ARNT: variants seen among roughly 807,000 people sequenced by gnomAD.
ARNT encodes the protein aryl hydrocarbon receptor nuclear translocator, also known as class E basic helix-loop-helix protein 2.
Under a neutral mutation model 105.0 loss-of-function variants are expected in ARNT, and 30 were observed. The observed-to-expected ratio is 0.29, with a 90% CI of 0.21 to 0.39. The LOEUF (loss-of-function observed/expected upper bound fraction) is 0.39, where lower values mean the gene tolerates loss of function less well. ARNT is among the 10% of genes least tolerant of loss of function. The pLI, the probability that ARNT is intolerant of heterozygous loss-of-function variation, is 1.00. For missense variants in ARNT, 748 were observed against 978.7 expected, an observed-to-expected ratio of 0.76 and a Z score of 3.15; for synonymous variants, 304 against 344.0, an observed-to-expected ratio of 0.88 and a Z score of 1.29.
chr1:150,855,962 G>A (rs942020548), intron 2 of ARNT, among the ~76,000 whole-genome samples: 3 of 152,018 alleles, frequency 2.0e-5, no homozygotes, highest in Non-Finnish European at 4.4e-5. Flanking sequence ...AAATGTGTGT[G>A]TGCGTGTGTA....
Position 150,857,748 on chromosome 1 carries a change from C to A in ARNT, c.137+601G>T, listed in dbSNP as rs1467073983. Among the ~76,000 whole-genome samples, 3 of 152,130 alleles carry A rather than the reference C, an allele frequency of 2.0e-5. No homozygotes were observed. The East Asian group carries it at 5.8e-4, about 29-fold the overall frequency. On this transcript the variant is annotated intron_variant, in intron 2 of 21. Coordinates refer to ENST00000358595, the MANE Select transcript of ARNT (RefSeq NM_001668.4). ...AGAAAAACATAGTATCAAATTTGTT[C>A]CTAACAAAACTAGGCATATTCTATC...
At chr1:150,867,094 C>T (rs192874673) in intron 1 of ARNT, among the ~76,000 whole-genome samples, 20 of 152,086 alleles carry the variant, frequency 1.3e-4, no homozygotes, top group Admixed American at 1.2e-3. Flanking sequence ...GTCCCAGCTA[C>T]TCGAGAGGCT....
Position 150,839,430 on chromosome 1 carries a change from G to A in ARNT, c.486+11C>T. 1 of 1,613,884 alleles carries A rather than the reference G, an allele frequency of 6.2e-7. No individual in the cohort carries two copies. The highest frequency in any genetic ancestry group is 8.5e-7 in the Non-Finnish European group (1 of 1,179,810). On this transcript the variant is annotated intron_variant, in intron 6 of 21. Coordinates refer to ENST00000358595, the MANE Select transcript of ARNT (RefSeq NM_001668.4). ...ATTCCAGACTCTCTCAGAACTATAA[G>A]TCCCAGAGACCTGATCAGTGAGGAA...
intron 3 of ARNT, among the ~76,000 whole-genome samples, chr1:150,850,361 C>T (rs1663103436): frequency 6.6e-6 from 1 of 152,342 alleles, no homozygotes; most frequent in African/African-American, 2.4e-5. Context: ...GCTGCCATCT[C>T]CGCTCACTGC....
At chr1:150,823,380 AG>A (rs1657508277) in intron 13 of ARNT, 35 bp from the exon 14 acceptor site, 1 of 1,538,916 alleles carries the variant, frequency 6.5e-7, no homozygotes, top group East Asian at 2.3e-5. Context: ...TGGAACTCAT[AG>A]AAAATTTTCA....
intron 13 of ARNT, 56 bp from the exon 14 acceptor site, chr1:150,823,401 T>G (rs1657512417): frequency 6.6e-7 from 1 of 1,509,040 alleles, no homozygotes; most frequent in Admixed American, 2.1e-5. Flanking sequence ...ATTACAAAAA[T>G]AAATAAAAAT....
In ARNT at chr1:150,817,351, C is replaced by A; in HGVS notation, c.1578+10G>T. 6.2e-7 allele frequency: 1 copy of A among 1,614,016 alleles called. No homozygotes were observed. Among genetic ancestry groups the A allele is most frequent in the Non-Finnish European group, 8.5e-7 (1 of 1,179,942 alleles). ...TCCCTACCCTCTTCAACGAAGAGGA[C>A]ACAACTCACCTGGGAATGATTGTAG... On this transcript the variant is annotated intron_variant, in intron 16 of 21. Coordinates refer to ENST00000358595, the MANE Select transcript of ARNT (RefSeq NM_001668.4).
At position 150,810,697 on chromosome 1, in the gene ARNT, G is replaced by A. The variant is rs1268562794; in HGVS notation, c.*1324C>T. ...CTGAGGAAGGTAAAGGGTGAGGGTAGTAACCTGTATCCGCATTTATATGGC... is the reference window on the plus strand; with the variant it reads ...CTGAGGAAGGTAAAGGGTGAGGGTAATAACCTGTATCCGCATTTATATGGC... On this transcript the variant is annotated 3_prime_UTR_variant, in exon 22 of 22. Transcript: ENST00000358595. 1 of 216,922 alleles carries A rather than the reference G, an allele frequency of 4.6e-6. No individual in the cohort carries two copies. Among genetic ancestry groups the A allele is most frequent in the East Asian group, 6.8e-5 (1 of 14,770 alleles). The allele number at this position is 216,922 out of a possible 1,614,324, so 13.4% of individuals were successfully genotyped here.
At chr1:150,813,907 T>G (rs931312318) in intron 20 of ARNT, among the ~76,000 whole-genome samples, 170 bp downstream of exon 20, 1 of 152,198 alleles carries the variant, frequency 6.6e-6, no homozygotes, top group African/African-American at 2.4e-5. Flanking sequence ...ATTACAGGCG[T>G]GAGCCACCGC....
intron 2 of ARNT, among the ~76,000 whole-genome samples, chr1:150,857,446 T>G (rs1664837894): frequency 6.6e-6 from 1 of 152,210 alleles, no homozygotes; most frequent in African/African-American, 2.4e-5. Flanking sequence ...CAGCAAATGG[T>G]TAAAATCTGT....
intron 6 of ARNT, among the ~76,000 whole-genome samples, chr1:150,837,747 T>C (rs764801107): frequency 1.3e-5 from 2 of 152,258 alleles, no homozygotes; most frequent in African/African-American, 4.8e-5. Flanking sequence ...TGACTAACGT[T>C]TTTTCCTGAG....
intron 1 of ARNT, among the ~76,000 whole-genome samples, chr1:150,868,630 G>A (rs768656271): frequency 6.6e-5 from 10 of 151,122 alleles, no homozygotes; most frequent in Non-Finnish European, 1.0e-4. Context: ...GGCCGGGCGC[G>A]GTGGCTCACG....
chr1:150,849,631 C>T (rs1046990736), intron 3 of ARNT, among the ~76,000 whole-genome samples: 4 of 152,126 alleles, frequency 2.6e-5, no homozygotes, highest in Non-Finnish European at 4.4e-5. Flanking sequence ...GGTATTATGG[C>T]TCACACCTGT....
In ARNT at chr1:150,852,756, T is replaced by C. The variant is rs587611180; in HGVS notation, c.182+6A>G. 1.2e-6 allele frequency: 2 copies of C among 1,612,146 alleles called. No homozygotes were observed. Among genetic ancestry groups the C allele is most frequent in the South Asian group, 2.2e-5 (2 of 90,748 alleles). ...GACATCTAAGGAAAGTTTTTCAGTC[T>C]CTTACCTCAAAAATTTACTGTTCCC... On this transcript the variant is annotated splice_donor_region_variant and intron_variant, in intron 3 of 21. Transcript: ENST00000358595.
chr1:150,812,758 T>G (rs958956015), intron 21 of ARNT: 1 of 155,698 alleles, frequency 6.4e-6, no homozygotes, highest in Non-Finnish European at 1.4e-5. Flanking sequence ...GACTTGGGTA[T>G]ATGGAGCTAT....
chr1:150,872,828 G>A (rs1011120325), intron 1 of ARNT, among the ~76,000 whole-genome samples: 3 of 152,056 alleles, frequency 2.0e-5, no homozygotes, highest in Admixed American at 2.0e-4. Flanking sequence ...CAGCCACGGT[G>A]GTGCACACCT....
intron 21 of ARNT, 67 bp from the exon 22 acceptor site, chr1:150,812,177 C>T (rs1198003141): frequency 9.2e-5 from 108 of 1,177,944 alleles, no homozygotes; most frequent in Non-Finnish European, 1.2e-4. Context: ...AAGTTCTACT[C>T]CACCATTCCC....
At chr1:150,863,690 G>A (rs925734263) in intron 1 of ARNT, among the ~76,000 whole-genome samples, 9 of 151,760 alleles carry the variant, frequency 5.9e-5, no homozygotes, top group South Asian at 2.1e-4. Context: ...ATTACCAGGC[G>A]CCTGTAATCC....
intron 4 of ARNT, among the ~76,000 whole-genome samples, chr1:150,843,119 T>C (rs1288093060): frequency 6.6e-6 from 1 of 152,220 alleles, no homozygotes; most frequent in African/African-American, 2.4e-5. Context: ...TCTTCTATTA[T>C]TGATTTGTTC....
Sources: allele counts gnomAD v4.1 joint callset (sites outside exome capture counted in the v4.1 genomes callset), GRCh38; gene constraint gnomAD v4.1.1; transcripts MANE v1.5; gene names NCBI Gene and HGNC (gene_info 2026-07-23, HGNC 2026-07-21).